The following SLC7A5 variants were observed in gnomAD, a reference collection of about 807,000 sequenced individuals.
SLC7A5 encodes the protein solute carrier family 7 member 5.
In SLC7A5, 23 loss-of-function variants were observed where a neutral mutation model predicts 50.2. The observed-to-expected ratio is 0.46, with a 90% CI of 0.33 to 0.65. The LOEUF (loss-of-function observed/expected upper bound fraction) is 0.65. Among genes scored for constraint, SLC7A5 ranks in the 30% least tolerant of loss-of-function variants. SLC7A5 has a pLI of 0.02. For missense variants in SLC7A5, 578 were observed against 684.4 expected, an observed-to-expected ratio of 0.84 and a Z score of 1.73; for synonymous variants, 393 against 330.6, an observed-to-expected ratio of 1.19 and a Z score of -2.05.
Position 87,860,713 on chromosome 16 carries a change from G to A in SLC7A5, c.538+8172C>T, listed in dbSNP as rs1289051822. ...CACATACAGTGTCTCAGTAGTGACA[G>A]ATGCTGGCCCACCCCGAGGTCAGGA... On this transcript the variant is annotated intron_variant, in intron 1 of 9. Coordinates refer to ENST00000261622, the MANE Select transcript of SLC7A5 (RefSeq NM_003486.7). The surrounding 1 kb of genome is among the most constrained non-coding windows in gnomAD (Gnocchi z 4.8). Among the ~76,000 whole-genome samples the A allele has an allele frequency of 6.6e-6, 1 of 152,236 alleles. No individual in the cohort carries two copies.
chr16:87,843,347 C>CTTTTTTT lies in SLC7A5; in HGVS notation c.665-2199_665-2193dup, dbSNP rs60307560. 3.2e-4 allele frequency among the ~76,000 whole-genome samples: 20 copies of CTTTTTTT among 63,322 alleles called. 2 individuals carry two copies. The highest frequency in any genetic ancestry group is 7.2e-4 in the African/African-American group (11 of 15,328). The allele number at this position is 63,322 out of a possible 152,430, so 41.5% of individuals were successfully genotyped here. ...ATTGGCAGCCCTAAGGCCTGAGTAA[C>CTTTTTTT]TTTTTTTTTTTTTTTTTTTTTTTTT... On this transcript the variant is annotated intron_variant, in intron 2 of 9. Coordinates refer to ENST00000261622, the MANE Select transcript of SLC7A5 (RefSeq NM_003486.7).
Position 87,833,469 on chromosome 16 carries a change from TG to T in SLC7A5, c.1469-445del, listed in dbSNP as rs1391885074. Among the ~76,000 whole-genome samples the T allele has an allele frequency of 2.6e-5, 4 of 152,174 alleles. No homozygotes were observed. The highest frequency in any genetic ancestry group is 6.5e-5 in the Admixed American group (1 of 15,280). Reference sequence around the variant, plus strand: ...GGGTCCTCGGAAGACCTGTCGCGCCTGGGACTGTCTACAGAGACATCACTCT... The same window carrying T: ...GGGTCCTCGGAAGACCTGTCGCGCCTGGACTGTCTACAGAGACATCACTCT... On this transcript the variant is annotated intron_variant, in intron 9 of 9. Transcript: ENST00000261622. This position sits in a 1 kb window ranked among gnomAD's most constrained non-coding sequence, Gnocchi z 6.0.
At chr16:87,840,231 C>T (rs779378096) in intron 4 of SLC7A5, among the ~76,000 whole-genome samples, 198 bp downstream of exon 4, 4 of 152,370 alleles carry the variant, frequency 2.6e-5, no homozygotes, top group South Asian at 2.1e-4. Flanking sequence ...ACTTGCCACC[C>T]GTTCTCTGGA....
At position 87,860,194 on chromosome 16, in the gene SLC7A5, A is replaced by G. The variant is rs2055373039; in HGVS notation, c.539-8345T>C. Among the ~76,000 whole-genome samples, 1 of 151,732 alleles carries G rather than the reference A, an allele frequency of 6.6e-6. No homozygotes were observed. The highest frequency in any genetic ancestry group is 2.1e-4 in the South Asian group (1 of 4,796). On this transcript the variant is annotated intron_variant, in intron 1 of 9. Transcript: ENST00000261622. The surrounding 1 kb of genome is among the most constrained non-coding windows in gnomAD (Gnocchi z 4.8). Reference sequence around the variant, plus strand: ...ACTAAAAACACAAAATTAGCTGGGCATGGTGGTGCATGCCTGTAGTCCCAG... The same window carrying G: ...ACTAAAAACACAAAATTAGCTGGGCGTGGTGGTGCATGCCTGTAGTCCCAG...
intron 2 of SLC7A5, among the ~76,000 whole-genome samples, chr16:87,847,198 C>T (rs981983616): frequency 2.6e-5 from 4 of 152,200 alleles, no homozygotes; most frequent in African/African-American, 7.2e-5. Flanking sequence ...TCTCAGTCCA[C>T]GAGGCGACCC....
intron 1 of SLC7A5, among the ~76,000 whole-genome samples, chr16:87,866,454 T>C (rs1287500030): frequency 1.3e-5 from 2 of 151,952 alleles, no homozygotes; most frequent in Non-Finnish European, 2.9e-5. Context: ...GTGTGCGCCA[T>C]GACGCCCAGC....
At chr16:87,854,232 G>T (rs899676403) in intron 1 of SLC7A5, among the ~76,000 whole-genome samples, 5 of 152,066 alleles carry the variant, frequency 3.3e-5, no homozygotes, top group Non-Finnish European at 7.4e-5. Flanking sequence ...GCGGGGGCCG[G>T]GTCTTGAAGT....
rs1376148756 is a variant in SLC7A5, at chr16:87,860,959, C to T, written c.538+7926G>A. ...CGTGCTGTGGCCACCCCGGAGGGTC[C>T]GCCTTCCAGAGGGAGAATTCAGGAT... On this transcript the variant is annotated intron_variant, in intron 1 of 9. Transcript: ENST00000261622. This position sits in a 1 kb window ranked among gnomAD's most constrained non-coding sequence, Gnocchi z 4.8. Among the ~76,000 whole-genome samples, 1 of 152,216 alleles carries T rather than the reference C, an allele frequency of 6.6e-6. No homozygotes were observed. Among genetic ancestry groups the T allele is most frequent in the Non-Finnish European group, 1.5e-5 (1 of 68,032 alleles).
At position 87,839,830 on chromosome 16, in the gene SLC7A5, A is replaced by C. The variant is rs200798376; in HGVS notation, c.816-5T>G. ...ATGATGGCCAGGGGCAGGTTTCTGG[A>C]AAGAACAGGGACGACATGTCACCCA... On this transcript the variant is annotated splice_polypyrimidine_tract_variant and splice_region_variant and intron_variant, in intron 4 of 9. Transcript: ENST00000261622. The C allele has an allele frequency of 1.2e-6, 2 of 1,613,528 alleles. No individual in the cohort carries two copies. The highest frequency in any genetic ancestry group is 2.7e-5 in the African/African-American group (2 of 74,920).
Position 87,860,878 on chromosome 16 carries a change from G to A in SLC7A5, c.538+8007C>T, listed in dbSNP as rs1597516618. ...CCAGAGAACGGTCCCCACCTGGGGT[G>A]GTCTGACGGCCAGGGATGCAGGGAG... On this transcript the variant is annotated intron_variant, in intron 1 of 9. Coordinates refer to ENST00000261622, the MANE Select transcript of SLC7A5 (RefSeq NM_003486.7). This position sits in a 1 kb window ranked among gnomAD's most constrained non-coding sequence, Gnocchi z 4.8. Among the ~76,000 whole-genome samples the A allele has an allele frequency of 6.6e-6, 1 of 152,216 alleles. No individual in the cohort carries two copies. Among genetic ancestry groups the A allele is most frequent in the African/African-American group, 2.4e-5 (1 of 41,452 alleles).
chr16:87,855,889 T>C (rs4581706), intron 1 of SLC7A5, among the ~76,000 whole-genome samples: 61,337 of 151,792 alleles, frequency 0.4, 13,325 homozygotes, highest in East Asian at 0.79. Flanking sequence ...GGAGCATCCG[T>C]GGATAGGGTT....
At chr16:87,867,288 C>A (rs1597522411) in intron 1 of SLC7A5, among the ~76,000 whole-genome samples, 1 of 152,276 alleles carries the variant, frequency 6.6e-6, no homozygotes, top group East Asian at 1.9e-4. Context: ...CGTTACATAC[C>A]GGGCCGACAT....
At chr16:87,850,060 C>G (rs1001152292) in intron 2 of SLC7A5, among the ~76,000 whole-genome samples, 1 of 152,384 alleles carries the variant, frequency 6.6e-6, no homozygotes, top group Non-Finnish European at 1.5e-5. Flanking sequence ...ACTGCATCCC[C>G]CTGCAGGCCC....
At chr16:87,850,429 T>A (rs1397991958) in intron 2 of SLC7A5, among the ~76,000 whole-genome samples, 2 of 152,226 alleles carry the variant, frequency 1.3e-5, no homozygotes, top group East Asian at 1.9e-4. Flanking sequence ...AGCCCTGGGG[T>A]CCTACCTGCC....
chr16:87,839,946 G>C (rs1445126501), intron 4 of SLC7A5, 121 bp from the exon 5 acceptor site: 1 of 1,344,158 alleles, frequency 7.4e-7, no homozygotes, highest in African/African-American at 1.4e-5. Flanking sequence ...TGGGCTTCTC[G>C]GGGAAGGTGG....
In SLC7A5 at chr16:87,861,789, C is replaced by A. The variant is rs370979985; in HGVS notation, c.538+7096G>T. On this transcript the variant is annotated intron_variant, in intron 1 of 9. Transcript: ENST00000261622. This position sits in a 1 kb window ranked among gnomAD's most constrained non-coding sequence, Gnocchi z 4.2. Reference sequence around the variant, plus strand: ...CCCAAGAAAAAAGGGTCACAAGTGCCCGTTAGGCTCTCCTGTGTGGCTCAG... The same window carrying A: ...CCCAAGAAAAAAGGGTCACAAGTGCACGTTAGGCTCTCCTGTGTGGCTCAG... 1.3e-5 allele frequency among the ~76,000 whole-genome samples: 2 copies of A among 152,206 alleles called. 1 individual carries two copies. Among genetic ancestry groups the A allele is most frequent in the South Asian group, 4.1e-4 (2 of 4,834 alleles).
rs1480920889 is a variant in SLC7A5, at chr16:87,861,524, G to A, written c.538+7361C>T. 6.6e-6 allele frequency among the ~76,000 whole-genome samples: 1 copy of A among 152,160 alleles called. No individual in the cohort carries two copies. The highest frequency in any genetic ancestry group is 1.5e-5 in the Non-Finnish European group (1 of 68,026). On this transcript the variant is annotated intron_variant, in intron 1 of 9. Transcript: ENST00000261622. The surrounding 1 kb of genome is among the most constrained non-coding windows in gnomAD (Gnocchi z 4.2). ...GCCTCAGTTTCCCCAGCTGTAAATTGGGGATTATCACTGGCTTCAAAGGCT... is the reference window on the plus strand; with the variant it reads ...GCCTCAGTTTCCCCAGCTGTAAATTAGGGATTATCACTGGCTTCAAAGGCT...
chr16:87,855,971 G>A (rs955395340), intron 1 of SLC7A5, among the ~76,000 whole-genome samples: 2 of 152,172 alleles, frequency 1.3e-5, no homozygotes, highest in East Asian at 1.9e-4. Context: ...GTCCTCACCT[G>A]CCCCCGAGCC....
rs1208494684 is a variant in SLC7A5 at position 87,852,364 on chromosome 16, C to T, written c.539-515G>A. 6.6e-6 allele frequency among the ~76,000 whole-genome samples: 1 copy of T among 152,166 alleles called. No individual in the cohort carries two copies. Among genetic ancestry groups the T allele is most frequent in the African/African-American group, 2.4e-5 (1 of 41,426 alleles). On this transcript the variant is annotated intron_variant, in intron 1 of 9. Transcript: ENST00000261622. This position sits in a 1 kb window ranked among gnomAD's most constrained non-coding sequence, Gnocchi z 4.5. ...AACAGAAGTGGGGTGTCCCGCTTTC[C>T]CGGAACTACCTGGCCAGTCACCTGG...
Sources: allele counts gnomAD v4.1 joint callset (sites outside exome capture counted in the v4.1 genomes callset), GRCh38; gene constraint gnomAD v4.1.1; non-coding constraint Gnocchi (gnomAD v3.1); transcripts MANE v1.5; gene names NCBI Gene and HGNC (gene_info 2026-07-23, HGNC 2026-07-21).